The following PPP3R1 variants were observed in gnomAD, a reference collection of about 807,000 sequenced individuals.
PPP3R1 encodes the protein protein phosphatase 3 regulatory subunit B, alpha, also known as calcineurin subunit B type 1.
In PPP3R1, 5 loss-of-function variants were observed where a neutral mutation model predicts 22.6. That is an observed-to-expected ratio of 0.22 (90% confidence interval 0.12 to 0.46). The LOEUF (loss-of-function observed/expected upper bound fraction) is 0.46, where lower values mean the gene tolerates loss of function less well. PPP3R1 is among the 20% of genes least tolerant of loss of function. The pLI is 0.99. For synonymous variants in PPP3R1, 56 were observed against 65.2 expected, an observed-to-expected ratio of 0.86 and a Z score of 0.68; for missense variants, 61 against 203.2, an observed-to-expected ratio of 0.30 and a Z score of 4.25.
At chr2:68,203,695 CCT>C (rs1382332986) in intron 2 of PPP3R1, among the ~76,000 whole-genome samples, 4 of 152,132 alleles carry the variant, frequency 2.6e-5, no homozygotes, top group Non-Finnish European at 5.9e-5. Flanking sequence ...AGCAAACCTC[CCT>C]GAGACGAATG....
chr2:68,215,954 A>T (rs1669571545), intron 2 of PPP3R1, among the ~76,000 whole-genome samples: 1 of 152,178 alleles, frequency 6.6e-6, no homozygotes, highest in South Asian at 2.1e-4. Flanking sequence ...AACACACTAT[A>T]AGAATGTTGT....
At chr2:68,235,230 T>C (rs999087910) in intron 1 of PPP3R1, among the ~76,000 whole-genome samples, 1 of 152,300 alleles carries the variant, frequency 6.6e-6, no homozygotes, top group East Asian at 1.9e-4. Context: ...ATAATTTATA[T>C]ACCACACAAA....
intron 2 of PPP3R1, among the ~76,000 whole-genome samples, chr2:68,211,142 C>T (rs2103762101): frequency 6.6e-6 from 1 of 152,282 alleles, no homozygotes; most frequent in South Asian, 2.1e-4. Context: ...CGCGGTGGCT[C>T]ACGCCTGTAA....
At chr2:68,231,695 C>A (rs1474394967) in intron 1 of PPP3R1, among the ~76,000 whole-genome samples, 1 of 152,036 alleles carries the variant, frequency 6.6e-6, no homozygotes. Context: ...TATTCTTAAG[C>A]AAAAGTGGTG....
chr2:68,181,261 C>T (rs956632937), intron 5 of PPP3R1, among the ~76,000 whole-genome samples: 2 of 151,894 alleles, frequency 1.3e-5, no homozygotes, highest in Non-Finnish European at 2.9e-5. Context: ...GGTGTGGTGG[C>T]GTGTGCCTCT....
chr2:68,234,171 G>A (rs964320863), intron 1 of PPP3R1, among the ~76,000 whole-genome samples: 16 of 151,978 alleles, frequency 1.1e-4, no homozygotes, highest in African/African-American at 3.4e-4. Context: ...GTGAAACCCC[G>A]TCTCTAGTAA....
At chr2:68,232,209 T>TGTATATAATA (rs571323678) in intron 1 of PPP3R1, among the ~76,000 whole-genome samples, 4 of 93,030 alleles carry the variant, frequency 4.3e-5, no homozygotes, top group South Asian at 3.2e-4. Flanking sequence ...TATATACATA[T>TGTATATAATA]TGTATATGTA....
chr2:68,211,394 G>A (rs1032729139), intron 2 of PPP3R1, among the ~76,000 whole-genome samples: 1 of 104,088 alleles, frequency 9.6e-6, no homozygotes, highest in Non-Finnish European at 1.8e-5. Flanking sequence ...GCGACTGAGC[G>A]AGACTCTGTC....
chr2:68,187,882 AAC>A (rs1239040331), intron 3 of PPP3R1, among the ~76,000 whole-genome samples: 3 of 152,200 alleles, frequency 2.0e-5, no homozygotes, highest in Admixed American at 2.0e-4. Flanking sequence ...CAAAAAAAAA[AAC>A]TGGCTTGGCG....
chr2:68,227,873 T>C (rs1669817187), intron 1 of PPP3R1, among the ~76,000 whole-genome samples: 1 of 152,182 alleles, frequency 6.6e-6, no homozygotes, highest in South Asian at 2.1e-4. Context: ...TTTTTGTAGA[T>C]TTCTTGAAAA....
intron 1 of PPP3R1, among the ~76,000 whole-genome samples, chr2:68,222,691 A>G (rs1669708023): frequency 6.6e-6 from 1 of 152,166 alleles, no homozygotes; most frequent in Non-Finnish European, 1.5e-5. Flanking sequence ...CTCTAACTTA[A>G]AGACAGCAGG....
intron 5 of PPP3R1, among the ~76,000 whole-genome samples, chr2:68,183,534 T>C (rs1429567775): frequency 2.6e-5 from 4 of 152,214 alleles, no homozygotes; most frequent in Non-Finnish European, 5.9e-5. Flanking sequence ...TGATTATTTA[T>C]TTCCCTCCAT....
Position 68,252,395 on chromosome 2 carries a change from G to A in PPP3R1, c.-268C>T, listed in dbSNP as rs1670388844. 23 of 1,001,948 alleles carry A rather than the reference G, an allele frequency of 2.3e-5. No individual in the cohort carries two copies. The highest frequency in any genetic ancestry group is 2.7e-5 in the Non-Finnish European group (23 of 842,004). 62.1% of individuals were successfully genotyped at this position (1,001,948 alleles called of 1,614,324 possible). A position where few individuals can be genotyped will look rare whatever the true frequency, so the allele number is the denominator to read the frequency against. ...GCGGGAGGAGCAGCGGCGAGAGGCA[G>A]GAGAGGCAGAGAAGAAGAAAGGAGG... On this transcript the variant is annotated 5_prime_UTR_variant, in exon 1 of 6. Transcript: ENST00000234310.
intron 2 of PPP3R1, among the ~76,000 whole-genome samples, chr2:68,213,818 T>C (rs952799616): frequency 6.6e-6 from 1 of 152,152 alleles, no homozygotes; most frequent in Non-Finnish European, 1.5e-5. Context: ...TTCACAGAAT[T>C]AGAAAAAACT....
chr2:68,206,049 C>G (rs1367915709), intron 2 of PPP3R1, among the ~76,000 whole-genome samples: 1 of 152,000 alleles, frequency 6.6e-6, no homozygotes, highest in African/African-American at 2.4e-5. Context: ...AACTCCGGAC[C>G]TCAGGTGATC....
At chr2:68,181,106 G>T in intron 5 of PPP3R1, 96 bp from the exon 6 acceptor site, 1 of 1,220,634 alleles carries the variant, frequency 8.2e-7, no homozygotes, top group Non-Finnish European at 1.2e-6. Context: ...ATATTACTAG[G>T]GGGCTGGGCG....
intron 2 of PPP3R1, among the ~76,000 whole-genome samples, chr2:68,189,677 G>A (rs1260707485): frequency 6.6e-6 from 1 of 152,022 alleles, no homozygotes; most frequent in South Asian, 2.1e-4. Context: ...AGACCAGCCT[G>A]GCCAACATGG....
Position 68,188,681 on chromosome 2 carries a change from T to A in PPP3R1, c.53A>T (p.Asp18Val). Residue 18 changes from aspartate to valine, a missense_variant, in exon 3 of 6, where the codon GAT becomes GTT. Asp to Val is a radical substitution (Grantham distance 152). Transcript: ENST00000234310. Reference sequence around the variant, plus strand: ...TCTCTTTCCTAGCCTTTTAATTTCATCCGCATCAACTAAAAGCAAACAAAA... The same window carrying A: ...TCTCTTTCCTAGCCTTTTAATTTCAACCGCATCAACTAAAAGCAAACAAAA... ...PLEMCSHFDA[D>V]EIKRLGKRFK... 6.3e-7 allele frequency: 1 copy of A among 1,598,248 alleles called. No homozygotes were observed. The highest frequency in any genetic ancestry group is 1.1e-5 in the South Asian group (1 of 87,446).
intron 1 of PPP3R1, among the ~76,000 whole-genome samples, chr2:68,247,477 T>A (rs142857762): frequency 6.6e-6 from 1 of 152,324 alleles, no homozygotes; most frequent in Non-Finnish European, 1.5e-5. Flanking sequence ...TCCTAGGCCA[T>A]GACATGTATG....
Sources: gnomAD v4.1 joint callset for allele counts (sites outside exome capture counted in the v4.1 genomes callset) on GRCh38, gnomAD v4.1.1 for gene constraint, MANE v1.5 for transcripts, NCBI Gene and HGNC (gene_info 2026-07-23, HGNC 2026-07-21) for gene names.